The following RBFOX1 variants were observed in gnomAD, a reference collection of about 807,000 sequenced individuals.
RBFOX1 encodes the protein RNA binding protein fox-1 homolog 1.
In RBFOX1, 8 loss-of-function variants were observed where a neutral mutation model predicts 57.7. That is an observed-to-expected ratio of 0.14 (90% CI 0.08 to 0.25). The LOEUF (loss-of-function observed/expected upper bound fraction) is 0.25, where lower values mean the gene tolerates loss of function less well. Ranked by LOEUF, RBFOX1 falls within the 10% of genes least tolerant of loss-of-function variation. The pLI, the probability that RBFOX1 is intolerant of heterozygous loss-of-function variation, is 1.00. For missense variants in RBFOX1, 611 were observed against 548.5 expected, an observed-to-expected ratio of 1.11 and a Z score of -1.14; for synonymous variants, 326 against 222.4, an observed-to-expected ratio of 1.47 and a Z score of -4.15.
At chr16:5,682,027 A>G (rs1159943266) in intron 3 of RBFOX1, among the ~76,000 whole-genome samples, 1 of 152,174 alleles carries the variant, frequency 6.6e-6, no homozygotes, top group African/African-American at 2.4e-5. Flanking sequence ...TGGGGTTGAT[A>G]TTAGAATGCT....
At chr16:6,242,719 T>G (rs73531431) in intron 1 of RBFOX1, among the ~76,000 whole-genome samples, 1 of 151,778 alleles carries the variant, frequency 6.6e-6, no homozygotes. Flanking sequence ...GCATTGCATC[T>G]TTTTATAGCC....
chr16:7,498,530 A>G (rs960472369), intron 4 of RBFOX1, among the ~76,000 whole-genome samples: 14 of 152,224 alleles, frequency 9.2e-5, no homozygotes, highest in African/African-American at 2.9e-4. Context: ...TCAAGCAGAT[A>G]TATCCCAATA....
intron 3 of RBFOX1, among the ~76,000 whole-genome samples, chr16:5,782,245 A>G (rs2054346945): frequency 6.6e-6 from 1 of 152,218 alleles, no homozygotes; most frequent in Non-Finnish European, 1.5e-5. Context: ...GAGGCTGGGA[A>G]GTCCAAGATC....
intron 1 of RBFOX1, among the ~76,000 whole-genome samples, chr16:6,032,765 A>C (rs977215879): frequency 6.6e-6 from 1 of 152,168 alleles, no homozygotes; most frequent in African/African-American, 2.4e-5. Flanking sequence ...AACGTTTTTT[A>C]GGTTTGGAGA....
At chr16:6,389,218 C>T (rs2092466418) in intron 2 of RBFOX1, among the ~76,000 whole-genome samples, 1 of 152,044 alleles carries the variant, frequency 6.6e-6, no homozygotes, top group Non-Finnish European at 1.5e-5. Flanking sequence ...TTCATAGAGC[C>T]CATTTTTCTG....
At chr16:7,311,204 C>G (rs2096298493) in intron 4 of RBFOX1, among the ~76,000 whole-genome samples, 1 of 152,174 alleles carries the variant, frequency 6.6e-6, no homozygotes, top group Admixed American at 6.5e-5. Flanking sequence ...TGCTGTGGTC[C>G]TTAGCACTCA....
At chr16:7,396,237 A>G (rs2098137023) in intron 4 of RBFOX1, among the ~76,000 whole-genome samples, 1 of 152,140 alleles carries the variant, frequency 6.6e-6, no homozygotes, top group Non-Finnish European at 1.5e-5. Context: ...TGGCAGTACA[A>G]CTGTCTACCT....
At chr16:7,240,023 A>G (rs747545636) in intron 4 of RBFOX1, among the ~76,000 whole-genome samples, 33 of 152,026 alleles carry the variant, frequency 2.2e-4, no homozygotes, top group South Asian at 6.2e-4. Flanking sequence ...CTGGAGTGCA[A>G]TGCTGCAATG....
At chr16:6,010,710 C>A (rs2094956191) in intron 4 of RBFOX1, among the ~76,000 whole-genome samples, 1 of 152,190 alleles carries the variant, frequency 6.6e-6, no homozygotes, top group Admixed American at 6.5e-5. Flanking sequence ...GAAGGGAGTT[C>A]AGTTTTGACT....
chr16:7,356,883 C>G (rs146143492), intron 4 of RBFOX1, among the ~76,000 whole-genome samples: 36 of 152,240 alleles, frequency 2.4e-4, no homozygotes, highest in Middle Eastern at 3.4e-3. Flanking sequence ...CAGCTTATAA[C>G]CAAAGCATGG....
At chr16:7,035,245 T>C (rs914408570) in intron 3 of RBFOX1, among the ~76,000 whole-genome samples, 3 of 152,070 alleles carry the variant, frequency 2.0e-5, no homozygotes, top group Non-Finnish European at 4.4e-5. Flanking sequence ...ATACTCCAAG[T>C]GAGAACTGTA....
chr16:5,353,774 C>G (rs1034080860), intron 1 of RBFOX1, among the ~76,000 whole-genome samples: 4 of 150,946 alleles, frequency 2.6e-5, no homozygotes, highest in African/African-American at 7.3e-5. Context: ...GCCGAGTGCT[C>G]CCTTAGGACG....
downstream of RBFOX1, among the ~76,000 whole-genome samples, chr16:5,603,691 G>C (rs1425242719): frequency 1.3e-5 from 2 of 152,202 alleles, no homozygotes; most frequent in African/African-American, 2.4e-5. Flanking sequence ...TGAAGTGATT[G>C]TGTTGAGGTG....
intron 1 of RBFOX1, among the ~76,000 whole-genome samples, chr16:6,249,418 G>T (rs928678192): frequency 3.9e-5 from 6 of 152,048 alleles, no homozygotes; most frequent in Non-Finnish European, 7.4e-5. Context: ...CCAGCTACTC[G>T]GGAGACTGAG....
At chr16:7,074,609 T>A (rs964302936) in intron 4 of RBFOX1, among the ~76,000 whole-genome samples, 1 of 152,108 alleles carries the variant, frequency 6.6e-6, no homozygotes, top group Admixed American at 6.5e-5. Context: ...ATACATATAA[T>A]TGGATTTCTG....
chr16:6,721,445 A>AAAT (rs2065977537), intron 3 of RBFOX1, among the ~76,000 whole-genome samples: 1 of 152,212 alleles, frequency 6.6e-6, no homozygotes, highest in Non-Finnish European at 1.5e-5. Context: ...TCTGTCTCAA[A>AAAT]AACAACAACA....
chr16:7,394,766 A>C (rs540607177), intron 4 of RBFOX1, among the ~76,000 whole-genome samples: 1 of 152,278 alleles, frequency 6.6e-6, no homozygotes, highest in South Asian at 2.1e-4. Flanking sequence ...CATCCAGGCA[A>C]GTCACTCTTT....
intron 3 of RBFOX1, among the ~76,000 whole-genome samples, chr16:5,815,481 A>G (rs1567577511): frequency 6.6e-6 from 1 of 152,108 alleles, no homozygotes; most frequent in Non-Finnish European, 1.5e-5. Flanking sequence ...AAGAGCCTGA[A>G]AAATGAGTAT....
chr16:7,167,698 C>G (rs2079852260), intron 4 of RBFOX1, among the ~76,000 whole-genome samples: 1 of 152,208 alleles, frequency 6.6e-6, no homozygotes, highest in Non-Finnish European at 1.5e-5. Flanking sequence ...GGCCTGAGAG[C>G]CAAATCCAGC....
Sources: allele counts gnomAD v4.1 joint callset (sites outside exome capture counted in the v4.1 genomes callset), GRCh38; gene constraint gnomAD v4.1.1; transcripts MANE v1.5; gene names NCBI Gene and HGNC (gene_info 2026-07-23, HGNC 2026-07-21).